KANK4: variants seen among roughly 807,000 people sequenced by gnomAD.
The protein encoded by KANK4 is KN motif and ankyrin repeat domains 4.
KANK4 carries 50 observed loss-of-function variants against 80.8 expected under a neutral mutation model. The ratio of observed to expected loss-of-function variants is 0.62; its 90% CI spans 0.49 to 0.78. KANK4 has a LOEUF of 0.78. Ranked by LOEUF, KANK4 falls within the 30% of genes least tolerant of loss-of-function variation. The probability of loss-of-function intolerance (pLI) is 0.00; values close to 1 mark genes in which losing one functional copy is unlikely to be tolerated. For missense variants in KANK4, 1,196 were observed against 1,240.1 expected, an observed-to-expected ratio of 0.96 and a Z score of 0.53; for synonymous variants, 465 against 506.9, an observed-to-expected ratio of 0.92 and a Z score of 1.11.
At chr1:62,293,671 C>T (rs1483883160) in intron 1 of KANK4, among the ~76,000 whole-genome samples, 1 of 152,066 alleles carries the variant, frequency 6.6e-6, no homozygotes, top group African/African-American at 2.4e-5. Flanking sequence ...GAAAGGTGAC[C>T]ACCATCCATC....
At position 62,253,176 on chromosome 1, in the gene KANK4, C is replaced by G. The variant is rs540592145; in HGVS notation, c.2573G>C (p.Gly858Ala). The G allele has an allele frequency of 1.2e-6, 2 of 1,612,570 alleles. No individual in the cohort carries two copies. Among genetic ancestry groups the G allele is most frequent in the Non-Finnish European group, 1.7e-6 (2 of 1,179,700 alleles). The stretch of plus-strand genomic sequence containing the variant: ...GGGAGTGATCATTACGGCAGTGTAG[C>G]CAGCTTTGTTCTGATGGTCCACATT... ...VCNVDHQNKA[G>A]YTAVMITPLA... Residue 858 changes from glycine to alanine, a missense_variant, in exon 8 of 10, where the codon GGC (glycine) becomes GCC (alanine). Around this residue, in one of 3 missense-constraint regions of KANK4, gnomAD observed 1,154 missense variants for 1,179.6 expected, o/e 0.98. Coordinates refer to ENST00000371153, the MANE Select transcript of KANK4 (RefSeq NM_181712.5).
chr1:62,266,631 C>A, intron 6 of KANK4, 101 bp downstream of exon 6: 1 of 760,164 alleles, frequency 1.3e-6, no homozygotes, highest in Non-Finnish European at 2.3e-6. Context: ...ACTCACACCA[C>A]TGCCTGCCTC....
At chr1:62,288,291 T>C (rs185183938) in intron 1 of KANK4, among the ~76,000 whole-genome samples, 1 of 152,176 alleles carries the variant, frequency 6.6e-6, no homozygotes, top group Admixed American at 6.5e-5. Flanking sequence ...TTCTGCCCCA[T>C]GATGGAAAAA....
chr1:62,260,201 C>T (rs6587964), intron 7 of KANK4, among the ~76,000 whole-genome samples: 47,320 of 152,014 alleles, frequency 0.31, 7,960 homozygotes, highest in East Asian at 0.69. Flanking sequence ...CACCTGCCTC[C>T]GCTGTGGAGT....
chr1:62,250,952 T>C (rs1312381634), intron 8 of KANK4, among the ~76,000 whole-genome samples: 1 of 152,218 alleles, frequency 6.6e-6, no homozygotes, highest in African/African-American at 2.4e-5. Context: ...TGGTGCTTAA[T>C]ATATTGTTAG....
At chr1:62,306,617 TG>T (rs1181943519) in intron 1 of KANK4, among the ~76,000 whole-genome samples, 1 of 152,168 alleles carries the variant, frequency 6.6e-6, no homozygotes, top group Non-Finnish European at 1.5e-5. Flanking sequence ...CTATCCCTGT[TG>T]CTCAGGCAGA....
intron 1 of KANK4, among the ~76,000 whole-genome samples, chr1:62,313,524 G>A (rs1644513987): frequency 1.3e-5 from 2 of 152,114 alleles, no homozygotes; most frequent in Admixed American, 1.3e-4. Context: ...ATTATGGAGG[G>A]GCAGGTGGGT....
intron 1 of KANK4, among the ~76,000 whole-genome samples, chr1:62,314,608 G>A (rs1376110612): frequency 3.3e-5 from 5 of 151,846 alleles, no homozygotes; most frequent in Admixed American, 1.3e-4. Flanking sequence ...GTCATTTGAC[G>A]TCAGAGCCAC....
At chr1:62,301,670 C>T (rs1283830307) in intron 1 of KANK4, among the ~76,000 whole-genome samples, 1 of 151,944 alleles carries the variant, frequency 6.6e-6, no homozygotes. Flanking sequence ...CTACTGCCAG[C>T]CCAGCGTCCA....
At chr1:62,295,876 G>A (rs1178337994) in intron 1 of KANK4, among the ~76,000 whole-genome samples, 1 of 150,636 alleles carries the variant, frequency 6.6e-6, no homozygotes, top group Non-Finnish European at 1.5e-5. Context: ...GGTGATCTTT[G>A]CTTGCAGCCT....
At chr1:62,280,501 AGGCAGGGCG>A (rs1264414084) in intron 2 of KANK4, among the ~76,000 whole-genome samples, 1 of 152,208 alleles carries the variant, frequency 6.6e-6, no homozygotes, top group East Asian at 1.9e-4. Context: ...TTGGAAGAAG[AGGCAGGGCG>A]GGAACTAATG....
intron 1 of KANK4, among the ~76,000 whole-genome samples, chr1:62,313,941 G>A (rs1456872965): frequency 6.6e-6 from 1 of 152,074 alleles, no homozygotes; most frequent in African/African-American, 2.4e-5. Flanking sequence ...CCTAATAACT[G>A]TAGACCCTGA....
At chr1:62,276,644 G>T (rs965179552) in intron 2 of KANK4, among the ~76,000 whole-genome samples, 1 of 152,072 alleles carries the variant, frequency 6.6e-6, no homozygotes, top group African/African-American at 2.4e-5. Context: ...GGGCATGGTG[G>T]CAGGCACCTG....
chr1:62,260,882 C>G (rs781583066), intron 7 of KANK4, among the ~76,000 whole-genome samples: 7 of 152,208 alleles, frequency 4.6e-5, no homozygotes, highest in Non-Finnish European at 8.8e-5. Flanking sequence ...AAGAGGACTC[C>G]TCTCCTAAAG....
At chr1:62,317,090 T>C (rs1462108010) in intron 1 of KANK4, among the ~76,000 whole-genome samples, 2 of 152,182 alleles carry the variant, frequency 1.3e-5, no homozygotes, top group East Asian at 3.9e-4. Flanking sequence ...ATAATTGTGC[T>C]GAACATATTG....
chr1:62,318,186 G>C (rs1180920176), intron 1 of KANK4, among the ~76,000 whole-genome samples: 1 of 152,196 alleles, frequency 6.6e-6, no homozygotes, highest in East Asian at 1.9e-4. Flanking sequence ...CTATTTGGTA[G>C]ATAGGACTTT....
intron 1 of KANK4, among the ~76,000 whole-genome samples, chr1:62,296,680 T>C (rs549863366): frequency 6.6e-5 from 10 of 152,034 alleles, no homozygotes; most frequent in African/African-American, 2.4e-4. Context: ...GTCTCCTGAG[T>C]AGCTGGGACT....
At chr1:62,265,127 G>A (rs548214116) in intron 6 of KANK4, among the ~76,000 whole-genome samples, 21 of 152,268 alleles carry the variant, frequency 1.4e-4, no homozygotes, top group African/African-American at 4.6e-4. Flanking sequence ...CACTGCGACC[G>A]GTCGAGTGGT....
intron 7 of KANK4, among the ~76,000 whole-genome samples, chr1:62,253,559 G>A (rs12096118): frequency 0.3 from 44,051 of 146,638 alleles, 6,735 homozygotes; most frequent in South Asian, 0.38. Flanking sequence ...ACAGGCGTGC[G>A]CCACCACACC....
Sources: allele counts gnomAD v4.1 joint callset (sites outside exome capture counted in the v4.1 genomes callset), GRCh38; gene constraint gnomAD v4.1.1; regional missense constraint gnomAD v4.1.1; transcripts MANE v1.5; gene names NCBI Gene and HGNC (gene_info 2026-07-23, HGNC 2026-07-21).